TMEM202: variants seen among roughly 807,000 people sequenced by gnomAD.
The protein encoded by TMEM202 is transmembrane protein 202.
TMEM202 carries 25 observed loss-of-function variants against 26.1 expected under a neutral mutation model. The ratio of observed to expected loss-of-function variants is 0.96; its 90% CI spans 0.70 to 1.34. TMEM202 has a LOEUF of 1.34. Ranked by LOEUF, TMEM202 falls within the 40% of genes most tolerant of loss-of-function variation. The pLI is 0.00. For missense variants in TMEM202, 301 were observed against 327.7 expected (o/e 0.92, Z 0.63); for synonymous variants, 122 against 119.0 (o/e 1.02, Z -0.16).
intron 2 of TMEM202, among the ~76,000 whole-genome samples, chr15:72,403,257 C>G (rs181585316): frequency 3.9e-5 from 6 of 152,294 alleles, no homozygotes; most frequent in African/African-American, 1.4e-4. Flanking sequence ...CAATGGTACT[C>G]TGAAGTGTAG....
intron 2 of TMEM202, among the ~76,000 whole-genome samples, chr15:72,400,925 A>G (rs186017781): frequency 1.3e-5 from 2 of 152,288 alleles, no homozygotes; most frequent in African/African-American, 2.4e-5. Context: ...CCCGGAACTA[A>G]GGGTTTCTCC....
At chr15:72,405,368 G>C (rs1214648636) in intron 2 of TMEM202, among the ~76,000 whole-genome samples, 1 of 152,196 alleles carries the variant, frequency 6.6e-6, no homozygotes, top group Non-Finnish European at 1.5e-5. Flanking sequence ...GTAATTATAA[G>C]TTATCTTCTA....
chr15:72,407,578 G>A (rs1053679164), intron 4 of TMEM202, 113 bp from the exon 5 acceptor site: 1 of 871,628 alleles, frequency 1.1e-6, no homozygotes, highest in South Asian at 1.6e-5. Context: ...GGGGAGAGAG[G>A]GGTTCACTGA....
chr15:72,399,078 C>G (rs944950083), intron 2 of TMEM202, among the ~76,000 whole-genome samples, 170 bp downstream of exon 2: 1 of 152,178 alleles, frequency 6.6e-6, no homozygotes, highest in African/African-American at 2.4e-5. Flanking sequence ...CTCTCCTATT[C>G]CAGGTTGTTT....
intron 2 of TMEM202, among the ~76,000 whole-genome samples, chr15:72,401,006 G>A (rs994247651): frequency 6.6e-6 from 1 of 152,178 alleles, no homozygotes; most frequent in African/African-American, 2.4e-5. Context: ...GCACTGGTGG[G>A]AGTGTCTTTT....
intron 3 of TMEM202, 66 bp from the exon 4 acceptor site, chr15:72,407,020 T>G (rs1431859213): frequency 7.5e-6 from 12 of 1,592,068 alleles, no homozygotes; most frequent in Non-Finnish European, 1.0e-5. Flanking sequence ...GCCAAAGAGC[T>G]GGGGGTGGCG....
At chr15:72,407,006 G>C (rs1374890139) in intron 3 of TMEM202, 80 bp from the exon 4 acceptor site, 1 of 1,550,028 alleles carries the variant, frequency 6.5e-7, no homozygotes, top group African/African-American at 1.4e-5. Context: ...TATGGCCTCT[G>C]GAGGCCAAAG....
intron 2 of TMEM202, 94 bp downstream of exon 2, chr15:72,399,002 CTTTT>C: frequency 6.8e-7 from 1 of 1,474,494 alleles, no homozygotes; most frequent in South Asian, 1.3e-5. Flanking sequence ...CCTCCAAGAT[CTTTT>C]GGCCTTCACC....
chr15:72,403,847 GGTTA>G lies in TMEM202; in HGVS notation c.338-2753_338-2750del, dbSNP rs2063559693. Among the ~76,000 whole-genome samples, 3 of 152,294 alleles carry G rather than the reference GGTTA, an allele frequency of 2.0e-5. No homozygotes were observed. The South Asian group carries it at 6.2e-4, about 32-fold the overall frequency. ...CTAATAGACTTGGTTACTTTGGGAA[GGTTA>G]GACTCTTCTATGCTGCACATCTTTA... On this transcript the variant is annotated intron_variant, in intron 2 of 4. Coordinates refer to ENST00000341689, the MANE Select transcript of TMEM202 (RefSeq NM_001080462.3).
Position 72,406,597 on chromosome 15 carries a change from T to A in TMEM202, c.338-5T>A. 6.2e-7 allele frequency: 1 copy of A among 1,613,510 alleles called. No homozygotes were observed. Among genetic ancestry groups the A allele is most frequent in the African/African-American group, 1.3e-5 (1 of 74,976 alleles). ...CACGGTCTTCCTTTCCTCTTCTTCA[T>A]GCAGATTATCTCCAATATTCCAGGG... On this transcript the variant is annotated splice_region_variant and splice_polypyrimidine_tract_variant and intron_variant, in intron 2 of 4. Coordinates refer to ENST00000341689, the MANE Select transcript of TMEM202 (RefSeq NM_001080462.3).
rs2063531251 is a variant in TMEM202, at chr15:72,398,377, C to T, written c.51C>T (p.Pro17=). 1 of 1,612,850 alleles carries T rather than the reference C, an allele frequency of 6.2e-7. No individual in the cohort carries two copies. Among genetic ancestry groups the T allele is most frequent in the Non-Finnish European group, 8.5e-7 (1 of 1,179,638 alleles). The change falls in exon 1 of 5, where the codon CCC becomes CCT. Residue 17 remains proline, a synonymous_variant. Coordinates refer to ENST00000341689, the MANE Select transcript of TMEM202 (RefSeq NM_001080462.3). ...LTLTFHSPEV[P]KIKGNRKYQR... is the part of the protein sequence containing the mutation. ...TGACTTTCCACAGTCCTGAGGTTCC[C>T]AAAATAAAGGGGAACCGGAAATACC...
intron 2 of TMEM202, among the ~76,000 whole-genome samples, chr15:72,400,745 A>G (rs1429545915): frequency 6.6e-6 from 1 of 150,942 alleles, no homozygotes; most frequent in Non-Finnish European, 1.5e-5. Context: ...GAGTCCATAG[A>G]GTAAAGTGAA....
chr15:72,405,592 C>G (rs1475959317), intron 2 of TMEM202, among the ~76,000 whole-genome samples: 1 of 151,994 alleles, frequency 6.6e-6, no homozygotes, highest in Non-Finnish European at 1.5e-5. Context: ...TGAGATAGGA[C>G]TTTGGGGGAC....
intron 2 of TMEM202, among the ~76,000 whole-genome samples, chr15:72,399,545 A>G (rs1327511406): frequency 6.6e-6 from 1 of 152,270 alleles, no homozygotes; most frequent in Non-Finnish European, 1.5e-5. Context: ...CTGGAAGATA[A>G]AGCAAATATC....
At chr15:72,403,247 C>T (rs12442850) in intron 2 of TMEM202, among the ~76,000 whole-genome samples, 5,035 of 152,194 alleles carry the variant, frequency 0.033, 132 homozygotes, top group East Asian at 0.12. Context: ...ACATCTCACC[C>T]AATGGTACTC....
At chr15:72,405,848 G>A (rs2063568363) in intron 2 of TMEM202, among the ~76,000 whole-genome samples, 1 of 152,108 alleles carries the variant, frequency 6.6e-6, no homozygotes, top group Non-Finnish European at 1.5e-5. Context: ...AAATTAGCCA[G>A]GCATGGTGGC....
chr15:72,407,936 G>A lies in TMEM202; in HGVS notation c.*43G>A. The A allele has an allele frequency of 6.5e-7, 1 of 1,534,378 alleles. No individual in the cohort carries two copies. The highest frequency in any genetic ancestry group is 1.1e-5 in the South Asian group (1 of 87,682). ...AGCTTGTCTTAAAAGCAGGGGAGAA[G>A]CTGAGTTGGGAATGGTCACATAAAT... On this transcript the variant is annotated 3_prime_UTR_variant, in exon 5 of 5. Transcript: ENST00000341689.
chr15:72,402,048 C>G (rs187551041), intron 2 of TMEM202, among the ~76,000 whole-genome samples: 2 of 152,126 alleles, frequency 1.3e-5, no homozygotes, highest in African/African-American at 2.4e-5. Context: ...TCACTGCAAC[C>G]TCTCCCTCCC....
At chr15:72,407,266 T>C in intron 4 of TMEM202, 49 bp downstream of exon 4, 2 of 1,601,238 alleles carry the variant, frequency 1.2e-6, no homozygotes, top group Non-Finnish European at 1.7e-6. Flanking sequence ...GGGAAATCGC[T>C]TCTGGAAAGG....
Sources: gnomAD v4.1 joint callset for allele counts (sites outside exome capture counted in the v4.1 genomes callset) on GRCh38, gnomAD v4.1.1 for gene constraint, MANE v1.5 for transcripts, NCBI Gene and HGNC (gene_info 2026-07-23, HGNC 2026-07-21) for gene names.